SUMF1: variants seen among roughly 807,000 people sequenced by gnomAD.
SUMF1 encodes the protein formylglycine-generating enzyme.
Under a neutral mutation model 47.6 loss-of-function variants are expected in SUMF1, and 48 were observed. The observed-to-expected ratio is 1.01, with a 90% CI of 0.80 to 1.28. SUMF1 has a LOEUF of 1.28. Ranked by LOEUF, SUMF1 falls within the 50% of genes most tolerant of loss-of-function variation. The probability of loss-of-function intolerance (pLI) is 0.00; values close to 1 mark genes in which losing one functional copy is unlikely to be tolerated. For synonymous variants in SUMF1, 230 were observed against 192.1 expected, an observed-to-expected ratio of 1.20 and a Z score of -1.63; for missense variants, 571 against 485.4, an observed-to-expected ratio of 1.18 and a Z score of -1.66.
At chr3:4,402,764 G>A (rs1701255582) in intron 7 of SUMF1, among the ~76,000 whole-genome samples, 2 of 152,278 alleles carry the variant, frequency 1.3e-5, no homozygotes, top group South Asian at 4.2e-4. Context: ...AGTTGAGATA[G>A]GCATTGCATG....
intron 8 of SUMF1, among the ~76,000 whole-genome samples, chr3:4,151,509 ATGTATACG>A (rs1405315287): frequency 1.4e-5 from 2 of 144,740 alleles, no homozygotes; most frequent in African/African-American, 2.6e-5. Flanking sequence ...ATATGTGTAT[ATGTATACG>A]TATATATGTA....
chr3:4,389,991 T>G (rs2124923840), intron 7 of SUMF1, among the ~76,000 whole-genome samples: 1 of 152,338 alleles, frequency 6.6e-6, no homozygotes, highest in African/African-American at 2.4e-5. Flanking sequence ...TAAATTCACT[T>G]TGATATCTTC....
At chr3:4,248,844 T>C (rs1696727829) in intron 8 of SUMF1, among the ~76,000 whole-genome samples, 1 of 152,118 alleles carries the variant, frequency 6.6e-6, no homozygotes. Context: ...CTGCATGTGG[T>C]ATGGAGGAAA....
At chr3:4,232,131 TA>T (rs1696313634) in intron 8 of SUMF1, among the ~76,000 whole-genome samples, 5 of 152,070 alleles carry the variant, frequency 3.3e-5, no homozygotes, top group Admixed American at 1.3e-4. Context: ...TTCTTATTTG[TA>T]AGCAGCAAAA....
intron 8 of SUMF1, among the ~76,000 whole-genome samples, chr3:4,163,770 C>A (rs759081351): frequency 4.7e-4 from 72 of 152,072 alleles, no homozygotes; most frequent in Non-Finnish European, 6.5e-4. Flanking sequence ...AAAGGGAGAT[C>A]AAGATGTATT....
At chr3:4,202,939 T>C (rs528961593) in intron 8 of SUMF1, among the ~76,000 whole-genome samples, 2 of 152,110 alleles carry the variant, frequency 1.3e-5, no homozygotes, top group African/African-American at 2.4e-5. Flanking sequence ...TCAGGAAAGA[T>C]ACTTGATATT....
At chr3:4,062,594 G>T (rs1198478615) in intron 9 of SUMF1, among the ~76,000 whole-genome samples, 1 of 152,100 alleles carries the variant, frequency 6.6e-6, no homozygotes, top group Non-Finnish European at 1.5e-5. Context: ...GAATGAGTGG[G>T]GTGCCTCAGC....
chr3:4,321,572 C>G (rs181957826), intron 8 of SUMF1, among the ~76,000 whole-genome samples: 174 of 149,566 alleles, frequency 1.2e-3, no homozygotes, highest in South Asian at 2.1e-3. Context: ...GTGACCAAAT[C>G]TGGAATAATT....
At chr3:4,272,746 TG>T (rs1188316828) in intron 8 of SUMF1, among the ~76,000 whole-genome samples, 1 of 152,114 alleles carries the variant, frequency 6.6e-6, no homozygotes, top group African/African-American at 2.4e-5. Flanking sequence ...GCAGCCACGG[TG>T]GAAAGCAATT....
chr3:4,258,503 C>G (rs1315772926), intron 8 of SUMF1, among the ~76,000 whole-genome samples: 1 of 148,812 alleles, frequency 6.7e-6, no homozygotes, highest in African/African-American at 2.5e-5. Flanking sequence ...CCAAAAAACA[C>G]ATGAAAAAAT....
At chr3:4,195,206 T>A (rs1006284346) in intron 8 of SUMF1, among the ~76,000 whole-genome samples, 1 of 152,214 alleles carries the variant, frequency 6.6e-6, no homozygotes, top group African/African-American at 2.4e-5. Context: ...TTGTCTTCCT[T>A]GAAGTTATCT....
chr3:4,379,797 G>A (rs750249532), intron 7 of SUMF1, among the ~76,000 whole-genome samples: 8 of 140,734 alleles, frequency 5.7e-5, no homozygotes, highest in East Asian at 2.1e-4. Flanking sequence ...AGCCGAGATC[G>A]TGCCACCGCA....
chr3:4,162,538 C>T (rs975292492), intron 8 of SUMF1, among the ~76,000 whole-genome samples: 1 of 152,136 alleles, frequency 6.6e-6, no homozygotes, highest in Non-Finnish European at 1.5e-5. Flanking sequence ...ATGCTTCCTC[C>T]GTGGACATCA....
chr3:4,245,565 G>C, intron 8 of SUMF1, among the ~76,000 whole-genome samples: 1 of 152,142 alleles, frequency 6.6e-6, no homozygotes, highest in East Asian at 1.9e-4. Flanking sequence ...ATCACCAGCA[G>C]AGGCTGCAGA....
At chr3:4,187,579 T>C (rs549237868) in intron 8 of SUMF1, among the ~76,000 whole-genome samples, 4 of 152,300 alleles carry the variant, frequency 2.6e-5, no homozygotes, top group Non-Finnish European at 5.9e-5. Flanking sequence ...GGAATTAAAA[T>C]TGGAGAAGAC....
chr3:4,437,531 C>T (rs1702440945), intron 3 of SUMF1, among the ~76,000 whole-genome samples: 1 of 151,960 alleles, frequency 6.6e-6, no homozygotes, highest in Non-Finnish European at 1.5e-5. Context: ...TCAATAGCCA[C>T]AATAAATATA....
At chr3:4,448,078 A>AT (rs542531409) in intron 3 of SUMF1, among the ~76,000 whole-genome samples, 63 of 152,318 alleles carry the variant, frequency 4.1e-4, no homozygotes, top group African/African-American at 1.5e-3. Context: ...CAGATTACAT[A>AT]TTAGACTTAT....
intron 8 of SUMF1, among the ~76,000 whole-genome samples, chr3:4,175,675 A>C (rs1415177652): frequency 6.6e-6 from 1 of 152,198 alleles, no homozygotes; most frequent in Non-Finnish European, 1.5e-5. Flanking sequence ...AAAAAGGTGG[A>C]CAGAGAATGA....
intron 8 of SUMF1, among the ~76,000 whole-genome samples, chr3:4,263,780 T>C (rs1047990771): frequency 6.6e-6 from 1 of 152,198 alleles, no homozygotes; most frequent in Non-Finnish European, 1.5e-5. Flanking sequence ...CTGACCCTTA[T>C]TCCATTCTGC....
Sources: allele counts gnomAD v4.1 joint callset (sites outside exome capture counted in the v4.1 genomes callset), GRCh38; gene constraint gnomAD v4.1.1; transcripts MANE v1.5; gene names NCBI Gene and HGNC (gene_info 2026-07-23, HGNC 2026-07-21).